The following TNKS variants were observed in gnomAD, a reference collection of about 807,000 sequenced individuals.
TNKS encodes poly [ADP-ribose] polymerase tankyrase-1.
In TNKS, 72 loss-of-function variants were observed where a neutral mutation model predicts 135.8. The ratio of observed to expected loss-of-function variants is 0.53; its 90% CI spans 0.44 to 0.64. The LOEUF (loss-of-function observed/expected upper bound fraction) is 0.64. Among genes scored for constraint, TNKS ranks in the 30% least tolerant of loss-of-function variants. The pLI is 0.00. For synonymous variants in TNKS, 849 were observed against 649.3 expected, an observed-to-expected ratio of 1.31 and a Z score of -4.68; for missense variants, 1,769 against 1,674.0, an observed-to-expected ratio of 1.06 and a Z score of -0.99.
At chr8:9,661,461 C>T (rs1035118892) in intron 3 of TNKS, among the ~76,000 whole-genome samples, 7 of 151,914 alleles carry the variant, frequency 4.6e-5, no homozygotes, top group African/African-American at 1.7e-4. Context: ...TTTGACAAGC[C>T]TGACAAAAAC....
intron 25 of TNKS, among the ~76,000 whole-genome samples, chr8:9,766,814 C>A (rs1051844721): frequency 2.0e-5 from 3 of 152,084 alleles, no homozygotes; most frequent in African/African-American, 7.2e-5. Context: ...CTGCAGAAGT[C>A]ACAGATTATC....
rs1163803220 is a variant in TNKS at position 9,769,612 on chromosome 8, C to CTTTTTTT, written c.3741-475_3741-469dup. Among the ~76,000 whole-genome samples, 419 of 73,480 alleles carry CTTTTTTT rather than the reference C, an allele frequency of 5.7e-3. 4 individuals are homozygous for CTTTTTTT. The highest frequency in any genetic ancestry group is 0.01 in the African/African-American group (188 of 18,090). 48.2% of individuals were successfully genotyped at this position (73,480 alleles called of 152,430 possible). A position where few individuals can be genotyped will look rare whatever the true frequency, so the allele number is the denominator to read the frequency against. Reference sequence around the variant, plus strand: ...GGCAAAACTTACTGGCAGGCATTTTCTTTTTTTTTTTTTTTTTTTTTTTTT... The same window carrying CTTTTTTT: ...GGCAAAACTTACTGGCAGGCATTTTCTTTTTTTTTTTTTTTTTTTTTTTTTTTTTTTT... On this transcript the variant is annotated intron_variant, in intron 25 of 26. Coordinates refer to ENST00000310430, the MANE Select transcript of TNKS (RefSeq NM_003747.3).
chr8:9,606,080 A>G (rs774399261), intron 2 of TNKS, among the ~76,000 whole-genome samples: 2 of 147,534 alleles, frequency 1.4e-5, no homozygotes, highest in Non-Finnish European at 3.0e-5. Context: ...TTTTTATGTT[A>G]AGTCTTTTAT....
intron 3 of TNKS, among the ~76,000 whole-genome samples, chr8:9,653,084 G>C (rs1801204300): frequency 6.6e-6 from 1 of 152,098 alleles, no homozygotes; most frequent in Non-Finnish European, 1.5e-5. Context: ...CCCATGTTTA[G>C]GATGAAAGTC....
chr8:9,719,455 A>T (rs1028173848), intron 11 of TNKS, among the ~76,000 whole-genome samples: 1 of 152,200 alleles, frequency 6.6e-6, no homozygotes, highest in Non-Finnish European at 1.5e-5. Flanking sequence ...GTTTAACTCA[A>T]TAAACAAAAA....
chr8:9,598,755 A>C (rs1277466116), intron 2 of TNKS, among the ~76,000 whole-genome samples: 3,691 of 71,398 alleles, frequency 0.052, 283 homozygotes, highest in African/African-American at 0.16. Context: ...ATATATGTAT[A>C]TGTGTGTGTG....
Position 9,752,548 on chromosome 8 carries a change from T to A in TNKS, c.3075T>A (p.Ala1025=). 1 of 1,610,694 alleles carries A rather than the reference T, an allele frequency of 6.2e-7. No homozygotes were observed. Among genetic ancestry groups the A allele is most frequent in the Non-Finnish European group, 8.5e-7 (1 of 1,178,138 alleles). ...TTTAATATGTTTCTGTTTTAGTTGC[T>A]GGTCTTGACATGAATATCAGCCAAT... ...AGTERKEGEV[A]GLDMNISQFL... is the part of the protein sequence containing the mutation. The change falls in exon 20 of 27, where the codon GCT becomes GCA. Residue 1025 remains alanine (A), a synonymous_variant. Transcript: ENST00000310430.
intron 3 of TNKS, among the ~76,000 whole-genome samples, chr8:9,629,416 C>T (rs527645522): frequency 6.6e-6 from 1 of 152,180 alleles, no homozygotes; most frequent in African/African-American, 2.4e-5. Context: ...TAGTTTATTT[C>T]ATTCACCCCC....
At chr8:9,680,128 C>CCTG in intron 4 of TNKS, 141 bp downstream of exon 4, 1 of 577,854 alleles carries the variant, frequency 1.7e-6, no homozygotes, top group Admixed American at 2.9e-5. Flanking sequence ...TCTTTATGTA[C>CCTG]TTTATATCAT....
At chr8:9,635,223 C>T (rs1800465726) in intron 3 of TNKS, among the ~76,000 whole-genome samples, 1 of 151,062 alleles carries the variant, frequency 6.6e-6, no homozygotes, top group African/African-American at 2.4e-5. Flanking sequence ...AATGGAGACA[C>T]ATGAAAAGAA....
chr8:9,579,779 A>T (rs1354604833), intron 1 of TNKS, among the ~76,000 whole-genome samples: 1 of 152,188 alleles, frequency 6.6e-6, no homozygotes, highest in African/African-American at 2.4e-5. Flanking sequence ...AGCAGTATTT[A>T]AATAACCCTT....
chr8:9,665,644 A>G (rs73526939), intron 3 of TNKS, among the ~76,000 whole-genome samples: 1,534 of 152,286 alleles, frequency 0.01, 30 homozygotes, highest in African/African-American at 0.034. Flanking sequence ...TGGCATATAC[A>G]TGTGAATGAG....
intron 2 of TNKS, among the ~76,000 whole-genome samples, chr8:9,595,475 A>G (rs1798747021): frequency 1.3e-5 from 2 of 152,090 alleles, no homozygotes; most frequent in Non-Finnish European, 2.9e-5. Flanking sequence ...CAGGAAGGTT[A>G]GAGTAGTGTG....
intron 1 of TNKS, among the ~76,000 whole-genome samples, chr8:9,561,063 T>TTGTA (rs1797314324): frequency 6.6e-6 from 1 of 152,222 alleles, no homozygotes; most frequent in Non-Finnish European, 1.5e-5. Context: ...ACATAAATTA[T>TTGTA]AATACTGTAC....
intron 2 of TNKS, among the ~76,000 whole-genome samples, chr8:9,581,687 C>T (rs1463624005): frequency 1.3e-5 from 2 of 152,138 alleles, no homozygotes; most frequent in Admixed American, 6.5e-5. Context: ...AGTCATTAGT[C>T]AGAATTTTAT....
In TNKS at chr8:9,721,298, T is replaced by TTATATATATATA. The variant is rs60138689; in HGVS notation, c.1921+756_1921+767dup. Among the ~76,000 whole-genome samples the TTATATATATATA allele has an allele frequency of 4.1e-4, 48 of 118,160 alleles. 2 individuals carry two copies. Among genetic ancestry groups the TTATATATATATA allele is most frequent in the Admixed American group, 8.7e-4 (8 of 9,216 alleles). 77.5% of individuals were successfully genotyped at this position (118,160 alleles called of 152,430 possible). A position where few individuals can be genotyped will look rare whatever the true frequency, so the allele number is the denominator to read the frequency against. Reference sequence around the variant, plus strand: ...TCTGTCTCAAAAATAAATAAATAAATTATATATATATATAAAATTATAAAA... The same window carrying TTATATATATATA: ...TCTGTCTCAAAAATAAATAAATAAATTATATATATATATATATATATATATAAAATTATAAAA... On this transcript the variant is annotated intron_variant, in intron 12 of 26. Transcript: ENST00000310430.
At chr8:9,611,942 G>A (rs1011729694) in intron 2 of TNKS, among the ~76,000 whole-genome samples, 3 of 152,040 alleles carry the variant, frequency 2.0e-5, no homozygotes, top group Non-Finnish European at 4.4e-5. Flanking sequence ...TTGATTCAGA[G>A]GGTGGGAGAA....
chr8:9,674,613 C>T (rs2128794613), intron 3 of TNKS, among the ~76,000 whole-genome samples: 1 of 152,202 alleles, frequency 6.6e-6, no homozygotes, highest in South Asian at 2.1e-4. Flanking sequence ...TACTGAATAC[C>T]TGAAATATGG....
At chr8:9,773,360 A>G (rs1460411072) in intron 26 of TNKS, among the ~76,000 whole-genome samples, 2 of 152,180 alleles carry the variant, frequency 1.3e-5, no homozygotes, top group Non-Finnish European at 2.9e-5. Flanking sequence ...ATTCACCCAC[A>G]GCATAAGAAT....
Sources: gnomAD v4.1 joint callset for allele counts (sites outside exome capture counted in the v4.1 genomes callset) on GRCh38, gnomAD v4.1.1 for gene constraint, MANE v1.5 for transcripts, NCBI Gene and HGNC (gene_info 2026-07-23, HGNC 2026-07-21) for gene names.